The following SLC39A10 variants were observed in gnomAD, a reference collection of about 807,000 sequenced individuals.
SLC39A10 encodes the protein zinc transporter ZIP10.
A neutral mutation model predicts 65.1 loss-of-function variants in SLC39A10; 13 were observed. The observed-to-expected ratio is 0.20, with a 90% CI of 0.13 to 0.32. SLC39A10 has a LOEUF of 0.32. Among genes scored for constraint, SLC39A10 ranks in the 10% least tolerant of loss-of-function variants. The probability of loss-of-function intolerance (pLI) is 1.00; values close to 1 mark genes in which losing one functional copy is unlikely to be tolerated. For missense variants in SLC39A10, 831 were observed against 1,018.4 expected (o/e 0.82, Z 2.50); for synonymous variants, 321 against 342.2 (o/e 0.94, Z 0.68).
intron 4 of SLC39A10, among the ~76,000 whole-genome samples, chr2:195,708,228 T>C (rs1691478019): frequency 1.3e-5 from 2 of 152,136 alleles, no homozygotes; most frequent in African/African-American, 4.8e-5. Flanking sequence ...AAAAAATATA[T>C]GATAATCAGT....
intron 8 of SLC39A10, among the ~76,000 whole-genome samples, chr2:195,725,043 C>T (rs573506219): frequency 6.6e-6 from 1 of 151,556 alleles, no homozygotes; most frequent in East Asian, 1.9e-4. Flanking sequence ...GTATTTTCAA[C>T]AAATGGCGCT....
chr2:195,680,445 T>G lies in SLC39A10; in HGVS notation c.403T>G (p.Leu135Val). ...TAACCACCAGCATTCCCATAATCAT[T>G]TAAATTCAGAAAATCAAACTGTGAC... is the stretch of plus-strand genomic sequence containing the variant. ...SHNHQHSHNH[L>V]NSENQTVTSV... The change falls in exon 2 of 10, where the codon TTA becomes GTA. Residue 135 changes from leucine (L) to valine (V), a missense_variant. Physicochemically the swap from Leu to Val is conservative, Grantham distance 32. Coordinates refer to ENST00000359634, the MANE Select transcript of SLC39A10 (RefSeq NM_020342.3). The G allele has an allele frequency of 1.2e-6, 2 of 1,614,080 alleles. No individual in the cohort carries two copies. Among genetic ancestry groups the G allele is most frequent in the Non-Finnish European group, 1.7e-6 (2 of 1,180,010 alleles).
intron 2 of SLC39A10, among the ~76,000 whole-genome samples, chr2:195,637,087 G>C (rs1344510185): frequency 6.6e-6 from 1 of 152,118 alleles, no homozygotes; most frequent in Admixed American, 6.5e-5. Context: ...AGTCAGCAAT[G>C]GTCTGCCACA....
At chr2:195,623,004 T>A (rs894837282) in intron 2 of SLC39A10, among the ~76,000 whole-genome samples, 1 of 149,064 alleles carries the variant, frequency 6.7e-6, no homozygotes, top group Non-Finnish European at 1.5e-5. Context: ...AGAACCAAGT[T>A]TGAACATCAT....
At chr2:195,628,550 C>A (rs898863579) in intron 2 of SLC39A10, among the ~76,000 whole-genome samples, 1 of 152,082 alleles carries the variant, frequency 6.6e-6, no homozygotes, top group African/African-American at 2.4e-5. Context: ...GGCCTCTGTC[C>A]TCATGAAACA....
At chr2:195,618,353 C>CAAAAAAA (rs34831034) in intron 2 of SLC39A10, among the ~76,000 whole-genome samples, 8,936 of 103,130 alleles carry the variant, frequency 0.087, 767 homozygotes, top group East Asian at 0.29. Flanking sequence ...TCCGTCTCAC[C>CAAAAAAA]AAAAAAAAAA....
intron 1 of SLC39A10, among the ~76,000 whole-genome samples, chr2:195,666,721 C>G (rs935031766): frequency 6.6e-6 from 1 of 152,186 alleles, no homozygotes; most frequent in Non-Finnish European, 1.5e-5. Flanking sequence ...TTTGGTCTCC[C>G]AAAGTGCTGG....
At chr2:195,622,997 A>G (rs567782895) in intron 2 of SLC39A10, among the ~76,000 whole-genome samples, 2 of 150,118 alleles carry the variant, frequency 1.3e-5, no homozygotes, top group East Asian at 2.0e-4. Flanking sequence ...AAAAAAAAGA[A>G]CCAAGTTTGA....
chr2:195,719,616 CTT>C (rs572735239), intron 8 of SLC39A10, among the ~76,000 whole-genome samples: 5 of 140,954 alleles, frequency 3.5e-5, no homozygotes, highest in South Asian at 2.3e-4. Context: ...CATTAACTTT[CTT>C]TTTTTTTTTT....
chr2:195,670,695 T>C (rs535916233), intron 1 of SLC39A10, among the ~76,000 whole-genome samples: 13 of 152,346 alleles, frequency 8.5e-5, no homozygotes, highest in African/African-American at 3.1e-4. Flanking sequence ...GTTTTGAACA[T>C]GTACTACAGT....
chr2:195,664,782 A>G (rs1421445981), intron 1 of SLC39A10, among the ~76,000 whole-genome samples: 1 of 152,184 alleles, frequency 6.6e-6, no homozygotes, highest in African/African-American at 2.4e-5. Flanking sequence ...AAACCTGAAA[A>G]GTGTTAAAGT....
intron 9 of SLC39A10, among the ~76,000 whole-genome samples, chr2:195,730,486 C>CGTGA (rs1220251929): frequency 1.3e-5 from 2 of 152,194 alleles, no homozygotes; most frequent in Non-Finnish European, 2.9e-5. Flanking sequence ...TGTGCCATCA[C>CGTGA]GCCCAGTCTT....
At chr2:195,682,658 T>C (rs766600718) in intron 2 of SLC39A10, among the ~76,000 whole-genome samples, 3 of 152,060 alleles carry the variant, frequency 2.0e-5, no homozygotes, top group Non-Finnish European at 4.4e-5. Flanking sequence ...AAGATTTTAT[T>C]GTTCATTTCC....
intron 8 of SLC39A10, among the ~76,000 whole-genome samples, chr2:195,721,575 T>C (rs1211352011): frequency 6.6e-6 from 1 of 152,214 alleles, no homozygotes; most frequent in Non-Finnish European, 1.5e-5. Context: ...AACTGTAGTT[T>C]TTTAATGCAC....
At chr2:195,684,529 C>G (rs1561450) in intron 3 of SLC39A10, among the ~76,000 whole-genome samples, 22,384 of 151,926 alleles carry the variant, frequency 0.15, 1,935 homozygotes, top group African/African-American at 0.23. Flanking sequence ...TTATACTCCA[C>G]ACAAAATTTG....
chr2:195,625,572 C>A (rs1378740323), intron 2 of SLC39A10, among the ~76,000 whole-genome samples: 2 of 152,094 alleles, frequency 1.3e-5, no homozygotes, highest in African/African-American at 4.8e-5. Context: ...CCACTGCGCC[C>A]AGCCTGACAA....
intron 4 of SLC39A10, among the ~76,000 whole-genome samples, chr2:195,707,631 C>T (rs1165532999): frequency 6.6e-6 from 1 of 151,298 alleles, no homozygotes; most frequent in Non-Finnish European, 1.5e-5. Context: ...AATCTTAAGG[C>T]TGTGAATATG....
At chr2:195,627,519 A>C (rs1559007112) in intron 2 of SLC39A10, among the ~76,000 whole-genome samples, 1 of 152,174 alleles carries the variant, frequency 6.6e-6, no homozygotes, top group Admixed American at 6.5e-5. Flanking sequence ...AACCCAGAAG[A>C]CCTGAGTAGC....
rs1034330509 is a variant in SLC39A10 at position 195,737,364 on chromosome 2, A to ATATC, written c.*2324_*2327dup. 7.1e-6 allele frequency: 1 copy of ATATC among 140,204 alleles called. No individual in the cohort carries two copies. The highest frequency in any genetic ancestry group is 1.6e-5 in the Non-Finnish European group (1 of 64,002). The allele number at this position is 140,204 out of a possible 1,614,324, so 8.7% of individuals were successfully genotyped here. On this transcript the variant is annotated 3_prime_UTR_variant, in exon 10 of 10. Coordinates refer to ENST00000359634, the MANE Select transcript of SLC39A10 (RefSeq NM_020342.3). The stretch of plus-strand genomic sequence containing the variant: ...GTGACATCCATATGAATTTTGGTAT[A>ATATC]TATCAATCAATCAATCAATCACATT...
Sources: gnomAD v4.1 joint callset for allele counts (sites outside exome capture counted in the v4.1 genomes callset) on GRCh38, gnomAD v4.1.1 for gene constraint, MANE v1.5 for transcripts, NCBI Gene and HGNC (gene_info 2026-07-23, HGNC 2026-07-21) for gene names.